Variants in MKLN1 observed in about 807,000 individuals in gnomAD.
The protein encoded by MKLN1 is muskelin 1, also known as muskelin.
In MKLN1, 18 loss-of-function variants were observed where a neutral mutation model predicts 99.0. The observed-to-expected ratio is 0.18, with a 90% CI of 0.13 to 0.27. The LOEUF (loss-of-function observed/expected upper bound fraction) is 0.27, where lower values mean the gene tolerates loss of function less well. Ranked by LOEUF, MKLN1 falls within the 10% of genes least tolerant of loss-of-function variation. The pLI is 1.00. For missense variants in MKLN1, 621 were observed against 875.9 expected (o/e 0.71, Z 3.67); for synonymous variants, 288 against 293.2 (o/e 0.98, Z 0.18).
intron 3 of MKLN1, among the ~76,000 whole-genome samples, chr7:131,212,394 A>G (rs754548282): frequency 1.3e-5 from 2 of 152,188 alleles, no homozygotes; most frequent in Non-Finnish European, 2.9e-5. Context: ...GGGTGTTTAC[A>G]TGAATAGACT....
chr7:131,392,391 G>A (rs1272339282), intron 4 of MKLN1, among the ~76,000 whole-genome samples: 2 of 152,090 alleles, frequency 1.3e-5, no homozygotes, highest in East Asian at 3.8e-4. Context: ...AGCCCTTTAG[G>A]AGAGCATGTG....
intron 1 of MKLN1, among the ~76,000 whole-genome samples, chr7:131,126,048 AAATTAATTAATT>A (rs1405550420): frequency 7.3e-4 from 20 of 27,448 alleles, no homozygotes; most frequent in East Asian, 2.3e-3. Flanking sequence ...ATAAATAAAT[AAATTAATTAATT>A]AATAAATAAA....
At chr7:131,373,542 A>G (rs1793533661) in intron 1 of MKLN1, among the ~76,000 whole-genome samples, 1 of 152,114 alleles carries the variant, frequency 6.6e-6, no homozygotes, top group South Asian at 2.1e-4. Flanking sequence ...ATTTTTGATA[A>G]TAAGTCTCTT....
intron 6 of MKLN1, among the ~76,000 whole-genome samples, chr7:131,402,573 ACTGT>A (rs1464231223): frequency 6.6e-6 from 1 of 152,186 alleles, no homozygotes; most frequent in Non-Finnish European, 1.5e-5. Context: ...CAGAGGAATC[ACTGT>A]CTGTGGCAAC....
At position 131,388,879 on chromosome 7, in the gene MKLN1, C is replaced by T; in HGVS notation, c.312-5C>T. On this transcript the variant is annotated splice_polypyrimidine_tract_variant and splice_region_variant and intron_variant, in intron 3 of 17. Transcript: ENST00000352689. Reference sequence around the variant, plus strand: ...AGATTTAATAGCCTTATTTTTTTCCCACAGTGGCTTAAAGAATGATTATAA... The same window carrying T: ...AGATTTAATAGCCTTATTTTTTTCCTACAGTGGCTTAAAGAATGATTATAA... 2 of 1,590,834 alleles carry T rather than the reference C, an allele frequency of 1.3e-6. No individual in the cohort carries two copies. Among genetic ancestry groups the T allele is most frequent in the Non-Finnish European group, 1.7e-6 (2 of 1,165,152 alleles).
At chr7:131,263,458 G>A (rs1797764392) in intron 3 of MKLN1, among the ~76,000 whole-genome samples, 2 of 151,772 alleles carry the variant, frequency 1.3e-5, no homozygotes, top group Admixed American at 1.3e-4. Context: ...CTGGGAGATT[G>A]AGGCTGCAGT....
chr7:131,148,777 A>G (rs1457651978), intron 2 of MKLN1, among the ~76,000 whole-genome samples: 1 of 152,184 alleles, frequency 6.6e-6, no homozygotes, highest in Non-Finnish European at 1.5e-5. Context: ...CAGTCTCCAA[A>G]GAAAAAAGAA....
intron 2 of MKLN1, among the ~76,000 whole-genome samples, chr7:131,165,252 C>A (rs1796107006): frequency 6.6e-6 from 1 of 152,276 alleles, no homozygotes; most frequent in East Asian, 1.9e-4. Flanking sequence ...ATGGCGCGAT[C>A]TCTGCTCACT....
chr7:131,281,734 C>T (rs913256324), intron 3 of MKLN1, among the ~76,000 whole-genome samples: 5 of 151,380 alleles, frequency 3.3e-5, no homozygotes, highest in Non-Finnish European at 5.9e-5. Context: ...CAGGGTGGAG[C>T]GCAGTGGCAT....
At chr7:131,275,349 G>A (rs1353710887) in intron 3 of MKLN1, among the ~76,000 whole-genome samples, 2 of 132,596 alleles carry the variant, frequency 1.5e-5, no homozygotes, top group African/African-American at 5.6e-5. Context: ...TAGTTTTTTT[G>A]TTGTCGTTGT....
At chr7:131,268,217 T>A (rs945980619) in intron 3 of MKLN1, among the ~76,000 whole-genome samples, 2 of 152,170 alleles carry the variant, frequency 1.3e-5, no homozygotes, top group East Asian at 1.9e-4. Context: ...GGCTTTAAAA[T>A]TCACTCCAGA....
intron 1 of MKLN1, among the ~76,000 whole-genome samples, chr7:131,352,480 A>C (rs573144519): frequency 1.3e-5 from 2 of 152,250 alleles, no homozygotes; most frequent in African/African-American, 2.4e-5. Context: ...TTCCAGTTCA[A>C]ATTTGATTTG....
At chr7:131,422,346 G>A (rs1795231071) in intron 8 of MKLN1, among the ~76,000 whole-genome samples, 1 of 152,246 alleles carries the variant, frequency 6.6e-6, no homozygotes, top group Non-Finnish European at 1.5e-5. Flanking sequence ...CTGGGAGTTC[G>A]AGATCAGCCT....
At chr7:131,160,643 T>TA in intron 2 of MKLN1, among the ~76,000 whole-genome samples, 1 of 150,274 alleles carries the variant, frequency 6.7e-6, no homozygotes, top group African/African-American at 2.4e-5. Context: ...CTCAGCCTCC[T>TA]GAGTAGCTGG....
At chr7:131,398,128 A>G (rs1306463211) in intron 5 of MKLN1, among the ~76,000 whole-genome samples, 3 of 152,170 alleles carry the variant, frequency 2.0e-5, no homozygotes, top group African/African-American at 7.2e-5. Context: ...GGTCATGCCT[A>G]TAAGTAAATC....
chr7:131,262,137 T>G (rs1028907195), intron 3 of MKLN1, among the ~76,000 whole-genome samples: 24 of 152,280 alleles, frequency 1.6e-4, no homozygotes, highest in African/African-American at 5.3e-4. Context: ...AAAAGATTTT[T>G]TTTTAAAGAA....
rs573705358 is a variant in MKLN1, at chr7:131,344,210, G to A, written c.98+16213G>A. On this transcript the variant is annotated intron_variant, in intron 1 of 17. Coordinates refer to ENST00000352689, the MANE Select transcript of MKLN1 (RefSeq NM_013255.5). ...TTTAAGTGCCTTTTCTTTGGGTATT[G>A]CCTGAAATGTTAAATATTATCTCAT... Among the ~76,000 whole-genome samples the A allele has an allele frequency of 7.4e-4, 112 of 152,178 alleles. 1 individual carries two copies. The highest frequency in any genetic ancestry group is 1.3e-3 in the Non-Finnish European group (89 of 67,984).
At chr7:131,373,156 A>G (rs997281468) in intron 1 of MKLN1, among the ~76,000 whole-genome samples, 2 of 152,082 alleles carry the variant, frequency 1.3e-5, no homozygotes, top group Non-Finnish European at 2.9e-5. Context: ...TCCTATCAGC[A>G]AAATATAAGA....
Position 131,496,631 on chromosome 7 carries a change from T to C in MKLN1, c.*8903T>C, listed in dbSNP as rs1797570101. 1 of 152,238 alleles carries C rather than the reference T, an allele frequency of 6.6e-6. No homozygotes were observed. Among genetic ancestry groups the C allele is most frequent in the South Asian group, 2.1e-4 (1 of 4,834 alleles). The allele number at this position is 152,238 out of a possible 1,614,324, so 9.4% of individuals were successfully genotyped here. On this transcript the variant is annotated 3_prime_UTR_variant, in exon 18 of 18. Coordinates refer to ENST00000352689, the MANE Select transcript of MKLN1 (RefSeq NM_013255.5). ...TTAATAAAATGTTATATATGGATGC[T>C]ACAAGATATCTCTTGTATTTGCTCA...
Sources: gnomAD v4.1 joint callset for allele counts (sites outside exome capture counted in the v4.1 genomes callset) on GRCh38, gnomAD v4.1.1 for gene constraint, MANE v1.5 for transcripts, NCBI Gene and HGNC (gene_info 2026-07-23, HGNC 2026-07-21) for gene names.